The following ANO4 variants were observed in gnomAD, a reference collection of about 807,000 sequenced individuals.
The protein encoded by ANO4 is anoctamin-4.
ANO4 carries 69 observed loss-of-function variants against 141.9 expected under a neutral mutation model. The ratio of observed to expected loss-of-function variants is 0.49; its 90% confidence interval spans 0.40 to 0.59. The LOEUF is 0.59. Among genes scored for constraint, ANO4 ranks in the 20% least tolerant of loss-of-function variants. The pLI, the probability that ANO4 is intolerant of heterozygous loss-of-function variation, is 0.00. For synonymous variants in ANO4, 350 were observed against 394.3 expected (o/e 0.89, Z 1.33); for missense variants, 894 against 1,162.2 (o/e 0.77, Z 3.36).
chr12:101,099,772 G>T (rs952083274), intron 22 of ANO4, 52 bp downstream of exon 22: 2 of 1,428,266 alleles, frequency 1.4e-6, no homozygotes. Context: ...AGATCTCCAG[G>T]TATATTCAAC....
At chr12:100,953,679 G>A (rs976936387) in intron 5 of ANO4, among the ~76,000 whole-genome samples, 16 of 152,206 alleles carry the variant, frequency 1.1e-4, no homozygotes, top group Admixed American at 2.0e-4. Flanking sequence ...CTGGGAAGGA[G>A]TCACTATTTC....
chr12:101,065,732 G>A (rs894423814), intron 14 of ANO4, among the ~76,000 whole-genome samples: 1 of 152,150 alleles, frequency 6.6e-6, no homozygotes, highest in Admixed American at 6.5e-5. Context: ...AAAAATGGAA[G>A]AGGAGGGAAT....
chr12:101,103,546 G>A (rs572351177), intron 22 of ANO4, among the ~76,000 whole-genome samples: 1 of 151,264 alleles, frequency 6.6e-6, no homozygotes, highest in South Asian at 2.1e-4. Flanking sequence ...ATTATTTTTT[G>A]TTGTTAAAAA....
chr12:100,923,344 A>G (rs2041720308), intron 3 of ANO4, among the ~76,000 whole-genome samples: 1 of 146,078 alleles, frequency 6.8e-6, no homozygotes, highest in African/African-American at 2.6e-5. Context: ...TGTCCAAATC[A>G]TCTCATTGTT....
At chr12:101,043,029 T>C (rs775758760) in intron 12 of ANO4, among the ~76,000 whole-genome samples, 1 of 152,236 alleles carries the variant, frequency 6.6e-6, no homozygotes, top group Non-Finnish European at 1.5e-5. Flanking sequence ...AAGTGAGTGA[T>C]TAAGCCTTCC....
intron 1 of ANO4, among the ~76,000 whole-genome samples, chr12:100,807,889 A>G (rs2035158009): frequency 6.6e-6 from 1 of 152,216 alleles, no homozygotes; most frequent in Admixed American, 6.5e-5. Context: ...TGCAAAGGAC[A>G]TGATCTTGTT....
chr12:101,048,178 A>G, intron 13 of ANO4, 163 bp from the exon 14 acceptor site: 1 of 1,035,060 alleles, frequency 9.7e-7, no homozygotes, highest in South Asian at 1.8e-5. Context: ...AATTAGAGGA[A>G]GCCTTTTCTT....
rs2051410893 is a variant in ANO4 at position 101,128,325 on chromosome 12, A to C, written c.*469A>C. 6.6e-6 allele frequency: 1 copy of C among 152,526 alleles called. No homozygotes were observed. 9.4% of individuals were successfully genotyped at this position (152,526 alleles called of 1,614,324 possible). A position where few individuals can be genotyped will look rare whatever the true frequency, so the allele number is the denominator to read the frequency against. On this transcript the variant is annotated 3_prime_UTR_variant, in exon 28 of 28. Coordinates refer to ENST00000392977, the MANE Select transcript of ANO4 (RefSeq NM_001286615.2). ...CAACACAGACAAGACCCTGTTTACA[A>C]CTTTTTCTTTCCTTTTTTTTAATTT...
intron 3 of ANO4, chr12:100,740,147 T>C (rs1237529812): frequency 2.9e-6 from 2 of 693,230 alleles, no homozygotes; most frequent in Non-Finnish European, 5.3e-6. Context: ...ACTGGGTGTG[T>C]ATAAGATTCC....
chr12:100,959,623 T>A (rs990286107), intron 5 of ANO4, among the ~76,000 whole-genome samples: 2 of 152,184 alleles, frequency 1.3e-5, no homozygotes, highest in Admixed American at 1.3e-4. Context: ...TCTGTTATCT[T>A]ACTGGCCTCA....
intron 1 of ANO4, among the ~76,000 whole-genome samples, chr12:100,803,798 C>A (rs897039883): frequency 6.6e-6 from 1 of 152,092 alleles, no homozygotes; most frequent in Non-Finnish European, 1.5e-5. Flanking sequence ...ATGAAATAGT[C>A]CATGGAGAGC....
chr12:100,733,530 A>G (rs981196739), intron 1 of ANO4, among the ~76,000 whole-genome samples: 6 of 152,130 alleles, frequency 3.9e-5, no homozygotes, highest in Admixed American at 6.5e-5. Flanking sequence ...TAATGATGAC[A>G]TGAAACTGCA....
chr12:100,736,466 G>A (rs950807075), intron 2 of ANO4, among the ~76,000 whole-genome samples: 2 of 152,156 alleles, frequency 1.3e-5, no homozygotes, highest in Non-Finnish European at 2.9e-5. Context: ...TGCAATTTGA[G>A]CCCAGGTCAT....
chr12:101,030,583 G>T (rs2136550093), intron 9 of ANO4, among the ~76,000 whole-genome samples: 1 of 152,216 alleles, frequency 6.6e-6, no homozygotes, highest in Non-Finnish European at 1.5e-5. Flanking sequence ...AGAGGCAAGA[G>T]CAAACTAATC....
At chr12:101,079,726 A>G (rs1459439685) in intron 15 of ANO4, among the ~76,000 whole-genome samples, 1 of 152,174 alleles carries the variant, frequency 6.6e-6, no homozygotes, top group African/African-American at 2.4e-5. Context: ...TATGACATCA[A>G]GTGTTCCGTG....
In ANO4 at chr12:100,951,391, C is replaced by T. The variant is rs118044981; in HGVS notation, c.456+8856C>T. On this transcript the variant is annotated intron_variant, in intron 5 of 27. Coordinates refer to ENST00000392977, the MANE Select transcript of ANO4 (RefSeq NM_001286615.2). ...ATATAGACACATACACATGTATGTT[C>T]GCTGCAGCACTGTTCACAATAGCAA... 3.7e-3 allele frequency among the ~76,000 whole-genome samples: 567 copies of T among 152,280 alleles called. 32 individuals carry two copies. In the East Asian group the frequency reaches 0.093, roughly 25 times the overall value.
chr12:100,980,206 C>T (rs761061477), intron 7 of ANO4, among the ~76,000 whole-genome samples: 21 of 152,176 alleles, frequency 1.4e-4, no homozygotes, highest in African/African-American at 5.1e-4. Flanking sequence ...GAAATCCCAA[C>T]GAAGGTAGTT....
At chr12:100,925,765 GTATA>G (rs62812263) in intron 3 of ANO4, among the ~76,000 whole-genome samples, 7 of 146,526 alleles carry the variant, frequency 4.8e-5, no homozygotes, top group South Asian at 4.3e-4. Flanking sequence ...TTTATATATA[GTATA>G]TATATATATA....
chr12:101,097,644 G>GT lies in ANO4; in HGVS notation c.1851-5dup, dbSNP rs762331780. On this transcript the variant is annotated splice_region_variant and splice_polypyrimidine_tract_variant and intron_variant, in intron 19 of 27. Transcript: ENST00000392977. The stretch of plus-strand genomic sequence containing the variant: ...ACTAATGGCTTGTTTTTCTCTGTGT[G>GT]TTGAAGATTTACAGGACACCCAGGT... 2.0e-5 allele frequency: 32 copies of GT among 1,613,474 alleles called. No individual in the cohort carries two copies. The South Asian group carries it at 3.4e-4, about 17-fold the overall frequency.
Sources: allele counts gnomAD v4.1 joint callset (sites outside exome capture counted in the v4.1 genomes callset), GRCh38; gene constraint gnomAD v4.1.1; transcripts MANE v1.5; gene names NCBI Gene and HGNC (gene_info 2026-07-23, HGNC 2026-07-21).